Variants in ADPRHL1 observed in about 807,000 individuals in gnomAD.
The protein encoded by ADPRHL1 is inactive ADP-ribosyltransferase ARH2.
Under a neutral mutation model 44.1 loss-of-function variants are expected in ADPRHL1, and 43 were observed. The observed-to-expected ratio is 0.98, with a 90% CI of 0.76 to 1.26. The LOEUF (loss-of-function observed/expected upper bound fraction) is 1.26, where lower values mean the gene tolerates loss of function less well. ADPRHL1 is among the 50% of genes most tolerant of loss of function. The probability of loss-of-function intolerance (pLI) is 0.00; values close to 1 mark genes in which losing one functional copy is unlikely to be tolerated. For synonymous variants in ADPRHL1, 878 were observed against 1,017.4 expected (o/e 0.86, Z 2.61); for missense variants, 2,022 against 2,496.9 (o/e 0.81, Z 4.05).
At chr13:113,428,488 C>T (rs1028749613) in intron 4 of ADPRHL1, among the ~76,000 whole-genome samples, 1 of 152,222 alleles carries the variant, frequency 6.6e-6, no homozygotes, top group Non-Finnish European at 1.5e-5. Context: ...GGAACCGTCA[C>T]GGATTTCCTA....
chr13:113,407,395 G>T lies in ADPRHL1; in HGVS notation c.1887C>A (p.Gly629=). 8.1e-7 allele frequency: 1 copy of T among 1,231,958 alleles called. No individual in the cohort carries two copies. The highest frequency in any genetic ancestry group is 1.0e-6 in the Non-Finnish European group (1 of 987,968). 76.3% of individuals were successfully genotyped at this position (1,231,958 alleles called of 1,614,324 possible). A position where few individuals can be genotyped will look rare whatever the true frequency, so the allele number is the denominator to read the frequency against. ...PALSIATVVC[G]PRSWLSHCTK... ...TGCAGTGGGACAGCCAGCTCCTGGG[G>T]CCACAGACGACGGTGGCGATGCTGA... The change falls in exon 8 of 8, where the codon GGC becomes GGA. Residue 629 remains glycine, a synonymous_variant. Transcript: ENST00000612156.
At position 113,405,091 on chromosome 13, in the gene ADPRHL1, C is replaced by G; in HGVS notation, c.4191G>C (p.Lys1397Asn). The G allele has an allele frequency of 8.1e-7, 1 of 1,232,262 alleles. No homozygotes were observed. Among genetic ancestry groups the G allele is most frequent in the Middle Eastern group, 3.1e-4 (1 of 3,210 alleles). 76.3% of individuals were successfully genotyped at this position (1,232,262 alleles called of 1,614,324 possible). The change falls in exon 8 of 8, where the codon AAG becomes AAC. Residue 1397 changes from lysine to asparagine, a missense_variant. By Grantham distance (94) the Lys-to-Asn change is moderately conservative. Around this residue, in one of 8 missense-constraint regions of ADPRHL1, gnomAD observed 1,221 missense variants for 1,517.8 expected, o/e 0.80. Transcript: ENST00000612156. The part of the protein sequence containing the change: ...EETPQPGDAG[K>N]RVAPSGSKVV... ...CCTTCGAGCCCGACGGCGCCACCCT[C>G]TTCCCCGCATCCCCGGGCTGGGGGG...
intron 1 of ADPRHL1, among the ~76,000 whole-genome samples, chr13:113,446,706 G>A (rs141869576): frequency 1.6e-4 from 24 of 152,146 alleles, no homozygotes; most frequent in Admixed American, 4.6e-4. Context: ...CTGCATGTAT[G>A]ATATTGTCAT....
chr13:113,422,369 G>T (rs2043930334), intron 7 of ADPRHL1: 1 of 158,692 alleles, frequency 6.3e-6, no homozygotes. Flanking sequence ...GGAGGGTGGG[G>T]GGTGGGGGGA....
At position 113,401,223 on chromosome 13, in the gene ADPRHL1, G is replaced by A. The variant is rs1435711879; in HGVS notation, c.*2155C>T. 1 of 152,108 alleles carries A rather than the reference G, an allele frequency of 6.6e-6. No homozygotes were observed. The highest frequency in any genetic ancestry group is 2.1e-4 in the South Asian group (1 of 4,830). 9.4% of individuals were successfully genotyped at this position (152,108 alleles called of 1,614,324 possible). A position where few individuals can be genotyped will look rare whatever the true frequency, so the allele number is the denominator to read the frequency against. On this transcript the variant is annotated 3_prime_UTR_variant, in exon 8 of 8. Coordinates refer to ENST00000612156, the MANE Select transcript of ADPRHL1 (RefSeq NM_001394807.1). The surrounding 1 kb of genome is among the most constrained non-coding windows in gnomAD (Gnocchi z 5.5). Reference sequence around the variant, plus strand: ...GCCAACAGGACAAAGAGGCCACTCTGTCAGCCTCTGCTGGACCCCTGAGCT... The same window carrying A: ...GCCAACAGGACAAAGAGGCCACTCTATCAGCCTCTGCTGGACCCCTGAGCT...
intron 2 of ADPRHL1, among the ~76,000 whole-genome samples, chr13:113,435,240 A>G (rs1396439985): frequency 4.8e-4 from 9 of 18,768 alleles, no homozygotes; most frequent in East Asian, 3.2e-3. Flanking sequence ...CCAGGTGTAG[A>G]GTGAACACAG....
At chr13:113,435,853 C>T (rs1595551488) in intron 2 of ADPRHL1, among the ~76,000 whole-genome samples, 1 of 120,914 alleles carries the variant, frequency 8.3e-6, no homozygotes, top group African/African-American at 3.2e-5. Context: ...ACCCCGGGAC[C>T]CGGCACCCAG....
At position 113,406,862 on chromosome 13, in the gene ADPRHL1, G is replaced by A; in HGVS notation, c.2420C>T (p.Thr807Ile). The A allele has an allele frequency of 8.1e-7, 1 of 1,232,254 alleles. No homozygotes were observed. The highest frequency in any genetic ancestry group is 1.0e-6 in the Non-Finnish European group (1 of 988,170). 76.3% of individuals were successfully genotyped at this position (1,232,254 alleles called of 1,614,324 possible). ...CTTCTGTTCTGGGAAATACTTCTGG[G>A]TGGCAAAGAGGGGGTCTCTCCCTGG... The part of the protein sequence containing the change: ...PDPGRDPLFA[T>I]QKYFPEQKVP... The change falls in exon 8 of 8, where the codon ACC (threonine) becomes ATC (isoleucine). Residue 807 changes from threonine to isoleucine, a missense_variant. By Grantham distance (89) the Thr-to-Ile change is moderately conservative (BLOSUM62 -1). Around this residue, in one of 8 missense-constraint regions of ADPRHL1, gnomAD observed 1,221 missense variants for 1,517.8 expected, o/e 0.80. Transcript: ENST00000612156.
chr13:113,412,568 T>A (rs921989283), intron 7 of ADPRHL1, among the ~76,000 whole-genome samples: 1 of 152,242 alleles, frequency 6.6e-6, no homozygotes, highest in Non-Finnish European at 1.5e-5. Flanking sequence ...AGCCCCTGCA[T>A]GGGCGGGACC....
intron 7 of ADPRHL1, among the ~76,000 whole-genome samples, chr13:113,412,749 GCTC>G (rs2043862764): frequency 8.1e-6 from 1 of 123,548 alleles, no homozygotes. Context: ...GCCCCGCGGA[GCTC>G]GGTTCACCCA....
intron 1 of ADPRHL1, among the ~76,000 whole-genome samples, chr13:113,448,632 G>C (rs932614431): frequency 6.6e-6 from 1 of 151,754 alleles, no homozygotes; most frequent in East Asian, 1.9e-4. Flanking sequence ...TCAGGGCCCC[G>C]GGAGAGGCTG....
intron 2 of ADPRHL1, among the ~76,000 whole-genome samples, chr13:113,439,368 C>T (rs936853835): frequency 2.6e-5 from 4 of 152,178 alleles, no homozygotes; most frequent in South Asian, 4.1e-4. Flanking sequence ...GGTGATCTGC[C>T]GGCCTTGGCC....
At chr13:113,423,084 G>A in intron 6 of ADPRHL1, 105 bp from the exon 7 acceptor site, 1 of 1,498,086 alleles carries the variant, frequency 6.7e-7, no homozygotes, top group East Asian at 2.3e-5. Flanking sequence ...CAATTCTGCT[G>A]GGGGCAGCTG....
chr13:113,425,735 C>T (rs1240122667), intron 4 of ADPRHL1, among the ~76,000 whole-genome samples: 1 of 145,700 alleles, frequency 6.9e-6, no homozygotes, highest in Admixed American at 7.0e-5. Flanking sequence ...GGCTGGAGTG[C>T]AGTGGCACCA....
In ADPRHL1 at chr13:113,402,285, G is replaced by C. The variant is rs2043768157; in HGVS notation, c.*1093C>G. On this transcript the variant is annotated 3_prime_UTR_variant, in exon 8 of 8. Transcript: ENST00000612156. Reference sequence around the variant, plus strand: ...ACGGAGGTGCATGGCTCCATCATGGGGAAGAATGTGCTTTAAAATAGGTGC... The same window carrying C: ...ACGGAGGTGCATGGCTCCATCATGGCGAAGAATGTGCTTTAAAATAGGTGC... 1 of 152,182 alleles carries C rather than the reference G, an allele frequency of 6.6e-6. No individual in the cohort carries two copies. The highest frequency in any genetic ancestry group is 1.5e-5 in the Non-Finnish European group (1 of 68,050). The allele number at this position is 152,182 out of a possible 1,614,324, so 9.4% of individuals were successfully genotyped here.
rs536774727 is a variant in ADPRHL1 at position 113,431,336 on chromosome 13, G to A, written c.506-2244C>T. On this transcript the variant is annotated intron_variant, in intron 3 of 7. Transcript: ENST00000612156. ...GTGACACGCCATGCGGAGACAGGCC[G>A]CAGAGACAGGCTGCAGAGACGCTTT... Among the ~76,000 whole-genome samples, 7 of 152,232 alleles carry A rather than the reference G, an allele frequency of 4.6e-5. No homozygotes were observed. In the East Asian group the frequency reaches 5.8e-4, roughly 13 times the overall value.
In ADPRHL1 at chr13:113,405,493, A is replaced by AATTCCT. The variant is rs2043801283; in HGVS notation, c.3788_3789insAGGAAT (p.Gly1262_Ile1263dup). The AATTCCT allele has an allele frequency of 3.2e-6, 4 of 1,231,814 alleles. No individual in the cohort carries two copies. Among genetic ancestry groups the AATTCCT allele is most frequent in the Admixed American group, 4.2e-5 (1 of 23,712 alleles). The allele number at this position is 1,231,814 out of a possible 1,614,324, so 76.3% of individuals were successfully genotyped here. A position where few individuals can be genotyped will look rare whatever the true frequency, so the allele number is the denominator to read the frequency against. On this transcript the variant is annotated inframe_insertion, in exon 8 of 8. Coordinates refer to ENST00000612156, the MANE Select transcript of ADPRHL1 (RefSeq NM_001394807.1). ...GTGGCCTAGGATGATCAGAAGCAGG[A>AATTCCT]ATTCCAGACTCTGTGCTGAAACCCA...
chr13:113,428,034 G>T (rs1248449059), intron 4 of ADPRHL1, among the ~76,000 whole-genome samples: 2 of 152,346 alleles, frequency 1.3e-5, no homozygotes, highest in East Asian at 1.9e-4. Context: ...GGAGGCCAAG[G>T]CGGGTCAGTT....
At chr13:113,428,889 T>C (rs1008620939) in intron 4 of ADPRHL1, 63 bp downstream of exon 4, 29 of 1,597,748 alleles carry the variant, frequency 1.8e-5, no homozygotes, top group African/African-American at 4.0e-5. Flanking sequence ...TGGGGGCCCA[T>C]GGAGGGGCTG....
Sources: allele counts gnomAD v4.1 joint callset (sites outside exome capture counted in the v4.1 genomes callset), GRCh38; gene constraint gnomAD v4.1.1; regional missense constraint gnomAD v4.1.1; non-coding constraint Gnocchi (gnomAD v3.1); transcripts MANE v1.5; gene names NCBI Gene and HGNC (gene_info 2026-07-23, HGNC 2026-07-21).